Variants in UBR3 observed in about 807,000 individuals in gnomAD.
UBR3 encodes the protein E3 ubiquitin-protein ligase UBR3.
UBR3 carries 85 observed loss-of-function variants against 243.2 expected under a neutral mutation model. That is an observed-to-expected ratio of 0.35 (90% CI 0.29 to 0.42). UBR3 has a LOEUF of 0.42. UBR3 is among the 10% of genes least tolerant of loss of function. The pLI is 1.00. For synonymous variants in UBR3, 748 were observed against 799.8 expected (o/e 0.94, Z 1.09); for missense variants, 1,686 against 2,300.8 (o/e 0.73, Z 5.47).
chr2:169,942,860 G>A (rs1008496842), intron 20 of UBR3, among the ~76,000 whole-genome samples: 4 of 152,168 alleles, frequency 2.6e-5, no homozygotes, highest in Admixed American at 6.5e-5. Flanking sequence ...TCTAGCTACC[G>A]ATAAAAGTAT....
intron 37 of UBR3, 117 bp downstream of exon 37, chr2:170,080,140 G>A (rs1445559918): frequency 9.5e-6 from 9 of 949,074 alleles, no homozygotes; most frequent in South Asian, 3.7e-5. Flanking sequence ...ATACATATAG[G>A]GATTGTGTGT....
Position 170,009,065 on chromosome 2 carries a change from A to G in UBR3, c.4367+125A>G. The G allele has an allele frequency of 5.1e-6, 3 of 585,560 alleles. 1 individual carries two copies. Among genetic ancestry groups the G allele is most frequent in the Non-Finnish European group, 8.0e-6 (3 of 373,902 alleles). The allele number at this position is 585,560 out of a possible 1,614,324, so 36.3% of individuals were successfully genotyped here. A position where few individuals can be genotyped will look rare whatever the true frequency, so the allele number is the denominator to read the frequency against. On this transcript the variant is annotated intron_variant, in intron 29 of 38. Coordinates refer to ENST00000272793, the MANE Select transcript of UBR3 (RefSeq NM_172070.4). ...TTTAATATCAGTTGAAATTATGGCT[A>G]GTTTTAGTGCCTGCTAGGATAACTA...
chr2:169,958,678 C>T, intron 24 of UBR3, 152 bp downstream of exon 24: 2 of 619,462 alleles, frequency 3.2e-6, no homozygotes, highest in Non-Finnish European at 5.3e-6. Flanking sequence ...GAAGATCAGA[C>T]TTTTATTATA....
chr2:170,034,110 C>T (rs770024582), intron 31 of UBR3, among the ~76,000 whole-genome samples: 35 of 151,670 alleles, frequency 2.3e-4, no homozygotes, highest in Non-Finnish European at 4.1e-4. Flanking sequence ...AGATACATAG[C>T]CTTTCCCATT....
intron 35 of UBR3, among the ~76,000 whole-genome samples, chr2:170,061,965 GGATTA>G (rs2091466751): frequency 1.3e-5 from 2 of 152,204 alleles, no homozygotes; most frequent in East Asian, 3.9e-4. Context: ...GAGCAGCTTT[GGATTA>G]GATCAATGAT....
At chr2:169,988,483 T>A (rs905815749) in intron 25 of UBR3, among the ~76,000 whole-genome samples, 2 of 152,130 alleles carry the variant, frequency 1.3e-5, no homozygotes, top group African/African-American at 4.8e-5. Context: ...AGCTGCCTTA[T>A]CCCTTAGAGA....
chr2:170,080,599 G>T lies in UBR3; in HGVS notation c.5464G>T (p.Val1822Leu), dbSNP rs541443374. The change falls in exon 38 of 39, where the codon GTA (valine) becomes TTA (leucine). Residue 1822 changes from valine to leucine, a missense_variant. Val to Leu is a conservative substitution (Grantham distance 32). Transcript: ENST00000272793. ...TGIFLLINAS[V>L]IIIIRGHRFC... ...TATTTTCCTTTTGATCAATGCATCG[G>T]TAATTATCATCATTCGAGGTCACCG... The T allele has an allele frequency of 6.2e-7, 1 of 1,613,844 alleles. No homozygotes were observed. The highest frequency in any genetic ancestry group is 1.1e-5 in the South Asian group (1 of 91,044).
chr2:170,081,601 A>G, intron 38 of UBR3, 125 bp from the exon 39 acceptor site: 1 of 539,752 alleles, frequency 1.9e-6, no homozygotes, highest in Non-Finnish European at 3.2e-6. Context: ...GAGACAGGAG[A>G]ATTGCTTGAA....
chr2:170,072,435 G>A (rs13419620), intron 35 of UBR3, among the ~76,000 whole-genome samples: 10,528 of 151,242 alleles, frequency 0.07, 385 homozygotes, highest in Non-Finnish European at 0.086. Flanking sequence ...GGTAGCGGGA[G>A]GGGGGAGGGA....
intron 1 of UBR3, among the ~76,000 whole-genome samples, chr2:169,838,756 C>G (rs921784856): frequency 1.3e-5 from 2 of 152,172 alleles, no homozygotes; most frequent in Non-Finnish European, 2.9e-5. Context: ...CTAGCACCAG[C>G]TCAAAAGTCT....
intron 24 of UBR3, among the ~76,000 whole-genome samples, chr2:169,979,560 G>A (rs981162083): frequency 4.6e-5 from 7 of 152,232 alleles, no homozygotes; most frequent in Non-Finnish European, 8.8e-5. Context: ...ATGAAATACC[G>A]TCCAGCAATA....
chr2:170,044,060 GA>G (rs1482016121), intron 32 of UBR3, among the ~76,000 whole-genome samples: 1 of 152,114 alleles, frequency 6.6e-6, no homozygotes, highest in Non-Finnish European at 1.5e-5. Context: ...ATTTTCCACA[GA>G]GGTTTTTTTT....
At chr2:169,846,876 G>T (rs1351917077) in intron 1 of UBR3, among the ~76,000 whole-genome samples, 2 of 152,126 alleles carry the variant, frequency 1.3e-5, no homozygotes, top group Non-Finnish European at 2.9e-5. Context: ...GAGACTATAG[G>T]CATGTGCTAC....
intron 36 of UBR3, among the ~76,000 whole-genome samples, chr2:170,079,173 T>C (rs781563370): frequency 1.3e-5 from 2 of 152,062 alleles, no homozygotes; most frequent in African/African-American, 4.8e-5. Context: ...TTTATACAGC[T>C]GCAAATAGTT....
intron 36 of UBR3, chr2:170,077,499 TC>T: frequency 8.5e-7 from 1 of 1,172,088 alleles, no homozygotes; most frequent in Non-Finnish European, 1.2e-6. Context: ...TGATGAATCT[TC>T]CATAGATAAG....
intron 32 of UBR3, among the ~76,000 whole-genome samples, chr2:170,048,639 C>T (rs534545290): frequency 3.9e-5 from 6 of 152,156 alleles, no homozygotes; most frequent in Non-Finnish European, 8.8e-5. Context: ...ATAAAGCCCT[C>T]GTTTCCAAAT....
At chr2:170,007,904 A>G (rs900697999) in intron 28 of UBR3, among the ~76,000 whole-genome samples, 3 of 151,898 alleles carry the variant, frequency 2.0e-5, no homozygotes, top group Non-Finnish European at 4.4e-5. Flanking sequence ...AACAAGCTAT[A>G]TATACTCTGT....
chr2:169,972,751 G>A (rs1236055888), intron 24 of UBR3, among the ~76,000 whole-genome samples: 2 of 151,800 alleles, frequency 1.3e-5, no homozygotes, highest in Non-Finnish European at 2.9e-5. Flanking sequence ...ATTAGGTATT[G>A]ATGGGACGTA....
Position 170,029,335 on chromosome 2 carries a change from A to C in UBR3, c.4454-11A>C, listed in dbSNP as rs771644789. 1 of 1,588,068 alleles carries C rather than the reference A, an allele frequency of 6.3e-7. No individual in the cohort carries two copies. Among genetic ancestry groups the C allele is most frequent in the Non-Finnish European group, 8.5e-7 (1 of 1,170,714 alleles). ...TGAACTTTCTAATTACCTTTTCTTC[A>C]ATTTTTTCAGATCAGCTGTTTCATG... is the stretch of plus-strand genomic sequence containing the variant. On this transcript the variant is annotated splice_polypyrimidine_tract_variant and intron_variant, in intron 30 of 38. Coordinates refer to ENST00000272793, the MANE Select transcript of UBR3 (RefSeq NM_172070.4).
Sources: gnomAD v4.1 joint callset for allele counts (sites outside exome capture counted in the v4.1 genomes callset) on GRCh38, gnomAD v4.1.1 for gene constraint, MANE v1.5 for transcripts, NCBI Gene and HGNC (gene_info 2026-07-23, HGNC 2026-07-21) for gene names.